VCAN: variants seen among roughly 807,000 people sequenced by gnomAD.
VCAN encodes the protein versican.
In VCAN, 44 loss-of-function variants were observed where a neutral mutation model predicts 245.5. The observed-to-expected ratio is 0.18, with a 90% confidence interval of 0.14 to 0.23. The LOEUF is 0.23. VCAN is among the 10% of genes least tolerant of loss of function. VCAN has a pLI of 1.00. For missense variants in VCAN, 3,793 were observed against 4,057.9 expected (o/e 0.93, Z 1.77); for synonymous variants, 1,413 against 1,437.0 (o/e 0.98, Z 0.38).
In VCAN at chr5:83,539,512, T is replaced by A; in HGVS notation, c.6509T>A (p.Met2170Lys). 1.2e-6 allele frequency: 2 copies of A among 1,613,906 alleles called. No homozygotes were observed. Among genetic ancestry groups the A allele is most frequent in the Non-Finnish European group, 1.7e-6 (2 of 1,179,982 alleles). ...TKKTYSDDKE[M>K]KEEDTSLVNM... The stretch of plus-strand genomic sequence containing the variant: ...AAAACTTACAGTGATGATAAAGAAA[T>A]GAAGGAGGAAGACACTTCTTTAGTT... The change falls in exon 8 of 15, where the codon ATG (methionine) becomes AAG (lysine). Residue 2170 changes from methionine to lysine, a missense_variant. Around this residue, in one of 5 missense-constraint regions of VCAN, gnomAD observed 3,182 missense variants for 3,250.3 expected, o/e 0.98. Transcript: ENST00000265077.
rs776524825 is a variant in VCAN at position 83,582,105 on chromosome 5, C to T, written c.*1671C>T. On this transcript the variant is annotated 3_prime_UTR_variant, in exon 15 of 15. Coordinates refer to ENST00000265077, the MANE Select transcript of VCAN (RefSeq NM_004385.5). ...CCTTTAGGTATTTTAGAGCACAGAA[C>T]AACACTGTGTTGATCTAGTAGGTTT... 7 of 152,074 alleles carry T rather than the reference C, an allele frequency of 4.6e-5. No homozygotes were observed. Among genetic ancestry groups the T allele is most frequent in the Admixed American group, 2.6e-4 (4 of 15,252 alleles). The allele number at this position is 152,074 out of a possible 1,614,324, so 9.4% of individuals were successfully genotyped here. A position where few individuals can be genotyped will look rare whatever the true frequency, so the allele number is the denominator to read the frequency against.
Position 83,522,079 on chromosome 5 carries a change from T to C in VCAN, c.3773T>C (p.Val1258Ala). 6.2e-7 allele frequency: 1 copy of C among 1,614,190 alleles called. No individual in the cohort carries two copies. Among genetic ancestry groups the C allele is most frequent in the Non-Finnish European group, 8.5e-7 (1 of 1,180,020 alleles). ...MVIIGESTSH[V>A]PPTTLEDIVA... is the part of the protein sequence containing the mutation. ...ATCATTGGAGAATCAACATCTCATG[T>C]TCCTCCCACTACCCTTGAAGATATT... The change falls in exon 7 of 15, where the codon GTT (valine) becomes GCT (alanine). Residue 1258 changes from valine (V) to alanine (A), a missense_variant. This residue lies in a region of VCAN where 3,182 missense variants were observed against 3,250.3 expected (regional missense o/e 0.98). Transcript: ENST00000265077.
chr5:83,490,361 G>T lies in VCAN; in HGVS notation c.334G>T (p.Asp112Tyr), dbSNP rs749552627. The part of the protein sequence containing the change: ...SVPTHPEAVG[D>Y]ASLTVVKLLA... The stretch of plus-strand genomic sequence containing the variant: ...GCCCACACATCCCGAGGCTGTGGGC[G>T]ATGCCTCCCTCACTGTGGTCAAGCT... The change falls in exon 3 of 15, where the codon GAT (aspartate) becomes TAT (tyrosine). Residue 112 changes from aspartate (D) to tyrosine (Y), a missense_variant. This residue lies in a region of VCAN where 179 missense variants were observed against 169.7 expected (regional missense o/e 1.05). Transcript: ENST00000265077. The T allele has an allele frequency of 6.2e-7, 1 of 1,614,192 alleles. No homozygotes were observed. The highest frequency in any genetic ancestry group is 1.1e-5 in the South Asian group (1 of 91,082).
chr5:83,519,312 G>T lies in VCAN; in HGVS notation c.1043-37G>T. The T allele has an allele frequency of 1.9e-6, 3 of 1,607,502 alleles. No homozygotes were observed. The South Asian group carries it at 3.3e-5, about 18-fold the overall frequency. On this transcript the variant is annotated intron_variant, in intron 6 of 14. Transcript: ENST00000265077. ...ACTGGGCATACAAGTTTTTATTAGTGACTTGTCTAATCAACTCTTTGAAAT... is the reference window on the plus strand; with the variant it reads ...ACTGGGCATACAAGTTTTTATTAGTTACTTGTCTAATCAACTCTTTGAAAT...
At chr5:83,486,091 C>T (rs1561226549) in intron 2 of VCAN, among the ~76,000 whole-genome samples, 1 of 151,960 alleles carries the variant, frequency 6.6e-6, no homozygotes, top group Non-Finnish European at 1.5e-5. Context: ...CATGATCGCA[C>T]CACTGCACTC....
intron 1 of VCAN, among the ~76,000 whole-genome samples, chr5:83,476,956 T>C (rs1744413544): frequency 6.6e-6 from 1 of 152,194 alleles, no homozygotes; most frequent in African/African-American, 2.4e-5. Context: ...TTACATATTT[T>C]ACAATAAACA....
Position 83,539,531 on chromosome 5 carries a change from T to A in VCAN, c.6528T>A (p.Ser2176=), listed in dbSNP as rs1341418504. 2 of 1,613,904 alleles carry A rather than the reference T, an allele frequency of 1.2e-6. No individual in the cohort carries two copies. The highest frequency in any genetic ancestry group is 2.7e-5 in the African/African-American group (2 of 74,926). ...DDKEMKEEDT[S]LVNMSTPDPD... ...AAGAAATGAAGGAGGAAGACACTTC[T>A]TTAGTTAACATGTCTACTCCAGATC... The change falls in exon 8 of 15, where the codon TCT becomes TCA. Residue 2176 remains serine (S), a synonymous_variant. Coordinates refer to ENST00000265077, the MANE Select transcript of VCAN (RefSeq NM_004385.5).
chr5:83,476,531 A>G lies in VCAN; in HGVS notation c.-7+4508A>G, dbSNP rs147158889. On this transcript the variant is annotated intron_variant, in intron 1 of 14. Transcript: ENST00000265077. ...ATAGGTCTGTATTTTACCAGAAAAC[A>G]CAAAGCATGTACTCTCCCTGATTTG... is the stretch of plus-strand genomic sequence containing the variant. Among the ~76,000 whole-genome samples, 669 of 152,328 alleles carry G rather than the reference A, an allele frequency of 4.4e-3. 1 individual carries two copies. Among genetic ancestry groups the G allele is most frequent in the African/African-American group, 0.015 (633 of 41,574 alleles).
intron 7 of VCAN, among the ~76,000 whole-genome samples, chr5:83,529,337 A>G (rs986557641): frequency 1.9e-5 from 1 of 52,042 alleles, no homozygotes; most frequent in Non-Finnish European, 4.2e-5. Flanking sequence ...AGAATATTTG[A>G]AAAAAAAAAA....
intron 10 of VCAN, among the ~76,000 whole-genome samples, chr5:83,549,054 A>G (rs1211900849): frequency 6.6e-6 from 1 of 152,176 alleles, no homozygotes; most frequent in Non-Finnish European, 1.5e-5. Context: ...TTTGAATATA[A>G]AGATAGACCA....
At chr5:83,570,195 G>A (rs1360089106) in intron 12 of VCAN, among the ~76,000 whole-genome samples, 3 of 151,924 alleles carry the variant, frequency 2.0e-5, no homozygotes, top group East Asian at 1.9e-4. Flanking sequence ...TTTAGGCTAC[G>A]AGTTGGATTT....
intron 1 of VCAN, among the ~76,000 whole-genome samples, chr5:83,474,632 TC>T (rs1744318952): frequency 6.6e-6 from 1 of 151,782 alleles, no homozygotes; most frequent in African/African-American, 2.4e-5. Context: ...GGGTGTGACT[TC>T]CTGGGCTCAG....
chr5:83,525,363 AATTTGAAGCT>A (rs534534504), intron 7 of VCAN, among the ~76,000 whole-genome samples: 1 of 152,282 alleles, frequency 6.6e-6, no homozygotes, highest in South Asian at 2.1e-4. Context: ...TGAAGGCCAG[AATTTGAAGCT>A]GTAGGAAGAG....
chr5:83,548,346 G>A (rs73769476), intron 10 of VCAN, among the ~76,000 whole-genome samples: 1,988 of 152,194 alleles, frequency 0.013, 47 homozygotes, highest in African/African-American at 0.045. Context: ...TATTTTTCTT[G>A]GGGACAAACT....
At chr5:83,569,161 T>C (rs1348510047) in intron 12 of VCAN, among the ~76,000 whole-genome samples, 2 of 152,228 alleles carry the variant, frequency 1.3e-5, no homozygotes, top group African/African-American at 4.8e-5. Flanking sequence ...TAAAATGTCA[T>C]TCACATCTGT....
intron 7 of VCAN, among the ~76,000 whole-genome samples, chr5:83,527,068 C>G (rs1267698686): frequency 2.0e-5 from 3 of 152,164 alleles, no homozygotes; most frequent in Admixed American, 6.5e-5. Flanking sequence ...ACAACAACCC[C>G]CTGCCCAATG....
Position 83,471,750 on chromosome 5 carries a change from G to T in VCAN, c.-280G>T. 2.5e-6 allele frequency: 1 copy of T among 398,810 alleles called. No homozygotes were observed. The highest frequency in any genetic ancestry group is 1.3e-4 in the South Asian group (1 of 7,854). The allele number at this position is 398,810 out of a possible 1,614,324, so 24.7% of individuals were successfully genotyped here. On this transcript the variant is annotated 5_prime_UTR_variant, in exon 1 of 15. Coordinates refer to ENST00000265077, the MANE Select transcript of VCAN (RefSeq NM_004385.5). Reference sequence around the variant, plus strand: ...ATGATGGGTGTCACAACCCGCATTTGAACTTGCAGGCGAGCTGCCCCGAGC... The same window carrying T: ...ATGATGGGTGTCACAACCCGCATTTTAACTTGCAGGCGAGCTGCCCCGAGC...
chr5:83,479,723 T>C (rs765927637), intron 1 of VCAN, among the ~76,000 whole-genome samples: 2 of 152,142 alleles, frequency 1.3e-5, no homozygotes, highest in Non-Finnish European at 1.5e-5. Context: ...ACAAAAGATG[T>C]AACTTAATGA....
intron 12 of VCAN, among the ~76,000 whole-genome samples, chr5:83,560,098 T>C (rs1276735922): frequency 6.6e-6 from 1 of 152,120 alleles, no homozygotes; most frequent in Non-Finnish European, 1.5e-5. Flanking sequence ...ACAAGTGTTT[T>C]TACTAGAAAT....
Sources: gnomAD v4.1 joint callset for allele counts (sites outside exome capture counted in the v4.1 genomes callset) on GRCh38, gnomAD v4.1.1 for gene constraint, gnomAD v4.1.1 regional missense constraint, MANE v1.5 for transcripts, NCBI Gene and HGNC (gene_info 2026-07-23, HGNC 2026-07-21) for gene names.